DTNBP1: variants seen among roughly 807,000 people sequenced by gnomAD.
DTNBP1 encodes dystrobrevin binding protein 1, also known as dysbindin.
In DTNBP1, 35 loss-of-function variants were observed where a neutral mutation model predicts 42.8. The observed-to-expected ratio is 0.82, with a 90% CI of 0.63 to 1.09. The LOEUF (loss-of-function observed/expected upper bound fraction) is 1.09. Ranked by LOEUF, DTNBP1 falls within the 50% of genes least tolerant of loss-of-function variation. The pLI is 0.00. For synonymous variants in DTNBP1, 171 were observed against 162.2 expected, an observed-to-expected ratio of 1.05 and a Z score of -0.41; for missense variants, 457 against 424.2, an observed-to-expected ratio of 1.08 and a Z score of -0.68.
At chr6:15,650,977 G>A (rs79615426) in intron 3 of DTNBP1, among the ~76,000 whole-genome samples, 9,240 of 152,046 alleles carry the variant, frequency 0.061, 450 homozygotes, top group African/African-American at 0.13. Context: ...AGAATGGATT[G>A]GAAAAGAAAT....
intron 5 of DTNBP1, 82 bp downstream of exon 5, chr6:15,627,261 G>A: frequency 1.3e-6 from 2 of 1,564,380 alleles, no homozygotes; most frequent in Non-Finnish European, 1.7e-6. Context: ...ATGTGTTCCT[G>A]AAAAGCTCTG....
chr6:15,592,984 T>G, intron 7 of DTNBP1, 75 bp downstream of exon 7: 1 of 1,361,908 alleles, frequency 7.3e-7, no homozygotes, highest in Non-Finnish European at 1.0e-6. Context: ...ATGAGTTTGT[T>G]CATCATTGTC....
chr6:15,539,616 A>G (rs1315221853), intron 7 of DTNBP1, among the ~76,000 whole-genome samples: 1 of 152,206 alleles, frequency 6.6e-6, no homozygotes, highest in Non-Finnish European at 1.5e-5. Context: ...CTCAACCAAC[A>G]TGTGACAGAG....
chr6:15,652,613 T>C (rs1010168775), intron 1 of DTNBP1, among the ~76,000 whole-genome samples: 1 of 152,084 alleles, frequency 6.6e-6, no homozygotes, highest in East Asian at 1.9e-4. Flanking sequence ...TGTTAGATAC[T>C]ACAAACGGAA....
chr6:15,566,455 C>A (rs1049539320), intron 7 of DTNBP1, among the ~76,000 whole-genome samples: 9 of 152,106 alleles, frequency 5.9e-5, no homozygotes, highest in Non-Finnish European at 1.2e-4. Context: ...CCTCATCATA[C>A]CTTCTTCATT....
At chr6:15,539,659 T>C (rs923823819) in intron 7 of DTNBP1, among the ~76,000 whole-genome samples, 4 of 152,146 alleles carry the variant, frequency 2.6e-5, no homozygotes, top group African/African-American at 9.7e-5. Context: ...CTAACATCCT[T>C]TGGGTGGACG....
intron 7 of DTNBP1, among the ~76,000 whole-genome samples, chr6:15,562,202 T>C (rs139489142): frequency 1.2e-4 from 19 of 152,380 alleles, no homozygotes; most frequent in Non-Finnish European, 2.8e-4. Flanking sequence ...GGGTTCACTT[T>C]ACTCTGTGAA....
intron 7 of DTNBP1, among the ~76,000 whole-genome samples, chr6:15,557,248 T>G (rs958889379): frequency 1.4e-5 from 2 of 144,544 alleles, no homozygotes; most frequent in African/African-American, 5.1e-5. Flanking sequence ...GGGTGGGAAT[T>G]TTTTTTTTTT....
chr6:15,569,109 T>G (rs1775224438), intron 7 of DTNBP1, among the ~76,000 whole-genome samples: 2 of 152,214 alleles, frequency 1.3e-5, no homozygotes, highest in Non-Finnish European at 2.9e-5. Context: ...GGCTGCACTT[T>G]GACCCACTTC....
chr6:15,584,751 A>C (rs1318753390), intron 7 of DTNBP1, among the ~76,000 whole-genome samples: 1 of 125,894 alleles, frequency 7.9e-6, no homozygotes, highest in Non-Finnish European at 1.6e-5. Context: ...AGTGGCTTCT[A>C]CCTGACAAGG....
intron 7 of DTNBP1, among the ~76,000 whole-genome samples, chr6:15,578,509 C>A (rs1231653817): frequency 2.6e-5 from 4 of 152,034 alleles, no homozygotes; most frequent in African/African-American, 9.7e-5. Flanking sequence ...GGAATTTAAC[C>A]AATTACATTT....
Position 15,553,967 on chromosome 6 carries a change from G to A in DTNBP1, c.512-20572C>T, listed in dbSNP as rs564487721. ...CAGGACACAAGATCCTCATGTGAGA[G>A]ACGCCAACCCTACACATGGAGAGAA... On this transcript the variant is annotated intron_variant, in intron 7 of 9. Transcript: ENST00000344537. Among the ~76,000 whole-genome samples the A allele has an allele frequency of 2.9e-3, 439 of 152,286 alleles. 2 individuals are homozygous for A. The highest frequency in any genetic ancestry group is 4.9e-3 in the Non-Finnish European group (336 of 68,020).
intron 8 of DTNBP1, among the ~76,000 whole-genome samples, chr6:15,526,363 G>GA (rs1425304385): frequency 6.6e-6 from 1 of 152,236 alleles, no homozygotes; most frequent in Non-Finnish European, 1.5e-5. Context: ...CGGGGGTGGA[G>GA]AGGAGGGTGC....
chr6:15,546,926 C>CTTTTTTT (rs10711026), intron 7 of DTNBP1, among the ~76,000 whole-genome samples: 8 of 116,114 alleles, frequency 6.9e-5, no homozygotes, highest in Non-Finnish European at 1.1e-4. Context: ...TTCTTTCTTT[C>CTTTTTTT]TTTTTTTTTT....
intron 7 of DTNBP1, among the ~76,000 whole-genome samples, chr6:15,583,916 A>C (rs1376427252): frequency 1.3e-5 from 2 of 152,190 alleles, no homozygotes; most frequent in Non-Finnish European, 2.9e-5. Flanking sequence ...CAAGCTGTTA[A>C]AGTGCCAATT....
intron 1 of DTNBP1, chr6:15,660,490 G>C (rs1179836479): frequency 7.8e-7 from 1 of 1,289,790 alleles, no homozygotes; most frequent in Admixed American, 2.3e-5. Context: ...GGCACACACT[G>C]ACAGTCCAGT....
chr6:15,603,635 CT>C (rs1776814953), intron 6 of DTNBP1, among the ~76,000 whole-genome samples: 1 of 152,152 alleles, frequency 6.6e-6, no homozygotes, highest in African/African-American at 2.4e-5. Context: ...TACTCTTGAG[CT>C]TTGTTTGTTA....
intron 7 of DTNBP1, among the ~76,000 whole-genome samples, chr6:15,591,246 G>A (rs959817215): frequency 2.0e-5 from 3 of 151,534 alleles, no homozygotes; most frequent in African/African-American, 7.3e-5. Flanking sequence ...AGTAGCTGGG[G>A]GTACCACCAC....
At chr6:15,611,149 A>C (rs547814569) in intron 6 of DTNBP1, among the ~76,000 whole-genome samples, 1 of 152,224 alleles carries the variant, frequency 6.6e-6, no homozygotes, top group Non-Finnish European at 1.5e-5. Flanking sequence ...TTTAAGCTGA[A>C]GCCAATGCCT....
Sources: gnomAD v4.1 joint callset for allele counts (sites outside exome capture counted in the v4.1 genomes callset) on GRCh38, gnomAD v4.1.1 for gene constraint, MANE v1.5 for transcripts, NCBI Gene and HGNC (gene_info 2026-07-23, HGNC 2026-07-21) for gene names.